Variants in IKBKE observed in about 807,000 individuals in gnomAD.
IKBKE encodes inhibitor of nuclear factor kappa B kinase subunit epsilon, also known as inhibitor of nuclear factor kappa-B kinase subunit epsilon.
In IKBKE, 45 loss-of-function variants were observed where a neutral mutation model predicts 92.1. The observed-to-expected ratio is 0.49, with a 90% CI of 0.38 to 0.63. The LOEUF is 0.63. Ranked by LOEUF, IKBKE falls within the 20% of genes least tolerant of loss-of-function variation. IKBKE has a pLI of 0.00. For synonymous variants in IKBKE, 374 were observed against 380.3 expected (o/e 0.98, Z 0.19); for missense variants, 700 against 932.8 (o/e 0.75, Z 3.25).
At chr1:206,492,279 C>A (rs926068820) in intron 18 of IKBKE, 6 of 372,798 alleles carry the variant, frequency 1.6e-5, no homozygotes, top group Non-Finnish European at 3.3e-5. Context: ...TGGGTTCCGC[C>A]TTCTCAGATC....
In IKBKE at chr1:206,494,010, G is replaced by A. The variant is rs782257277; in HGVS notation, c.2117+19G>A. 7 of 1,610,678 alleles carry A rather than the reference G, an allele frequency of 4.3e-6. No homozygotes were observed. In the South Asian group the frequency reaches 7.7e-5, roughly 18 times the overall value. On this transcript the variant is annotated intron_variant, in intron 21 of 21. Transcript: ENST00000581977. ...TCGAACGGTAAGGAGCTTTCACCTT[G>A]TGTAGGTCAGGGCCGGGTCTTCAAG...
At chr1:206,479,154 T>A (rs782133668) in intron 10 of IKBKE, 21 bp downstream of exon 10, 1 of 1,541,532 alleles carries the variant, frequency 6.5e-7, no homozygotes, top group Non-Finnish European at 8.7e-7. Context: ...CCACCTGGGC[T>A]GGATCTTTCT....
rs779738452 is a variant in IKBKE, at chr1:206,485,953, C to T, written c.1616+647C>T. 1.1e-4 allele frequency among the ~76,000 whole-genome samples: 17 copies of T among 152,250 alleles called. No individual in the cohort carries two copies. The highest frequency in any genetic ancestry group is 1.6e-4 in the Non-Finnish European group (11 of 68,046). ...TGACCAGGGGATGGGTGGTACCCAG[C>T]GCGGACCTCCTCCCCATTCTCTGCT... On this transcript the variant is annotated intron_variant, in intron 15 of 21. Transcript: ENST00000581977. This position sits in a 1 kb window ranked among gnomAD's most constrained non-coding sequence, Gnocchi z 5.0.
At chr1:206,482,943 T>TG (rs1553387523) in intron 13 of IKBKE, among the ~76,000 whole-genome samples, 1 of 152,278 alleles carries the variant, frequency 6.6e-6, no homozygotes, top group Non-Finnish European at 1.5e-5. Context: ...TTGCCCATCC[T>TG]GGTGACCCAC....
chr1:206,491,748 A>T lies in IKBKE; in HGVS notation c.1834A>T (p.Arg612Trp), dbSNP rs782095693. Residue 612 changes from arginine (R) to tryptophan (W), a missense_variant and splice_region_variant, in exon 18 of 22, where the codon AGG becomes TGG. Arg to Trp is a moderately radical substitution (Grantham distance 101). Coordinates refer to ENST00000581977, the MANE Select transcript of IKBKE (RefSeq NM_014002.4). ...CTTAGTCACACACGGCAAGAGGATG[A>T]GGTAACAGCCCCTCCTGAGCTCCTG... ...ASLVTHGKRMRVVHETRNHLR... is the reference protein window; with the variant it reads ...ASLVTHGKRMWVVHETRNHLR... 1.2e-5 allele frequency: 19 copies of T among 1,609,980 alleles called. No individual in the cohort carries two copies. The highest frequency in any genetic ancestry group is 1.5e-5 in the Non-Finnish European group (18 of 1,176,824).
chr1:206,473,673 G>A (rs574392219), intron 3 of IKBKE, among the ~76,000 whole-genome samples: 1 of 152,294 alleles, frequency 6.6e-6, no homozygotes, highest in African/African-American at 2.4e-5. Context: ...TTATTCAAGA[G>A]TGGTAGCCGG....
At chr1:206,482,790 C>G (rs1395604792) in intron 13 of IKBKE, among the ~76,000 whole-genome samples, 1 of 152,244 alleles carries the variant, frequency 6.6e-6, no homozygotes, top group Admixed American at 6.5e-5. Flanking sequence ...ATGTTGCAAG[C>G]CCATTCTTGC....
chr1:206,496,559 G>A lies in IKBKE; in HGVS notation c.*414G>A. ...CTCCTGGGGTTTCCCCAGGGCAGTA[G>A]GTCAAACGACCTCATCACAGTCTTC... is the stretch of plus-strand genomic sequence containing the variant. On this transcript the variant is annotated 3_prime_UTR_variant, in exon 22 of 22. Coordinates refer to ENST00000581977, the MANE Select transcript of IKBKE (RefSeq NM_014002.4). 1 of 257,532 alleles carries A rather than the reference G, an allele frequency of 3.9e-6. No homozygotes were observed. Among genetic ancestry groups the A allele is most frequent in the South Asian group, 1.3e-4 (1 of 7,916 alleles). The allele number at this position is 257,532 out of a possible 1,614,324, so 16.0% of individuals were successfully genotyped here.
chr1:206,476,159 T>C lies in IKBKE; in HGVS notation c.359-22T>C, dbSNP rs1553385213. 2 of 1,613,042 alleles carry C rather than the reference T, an allele frequency of 1.2e-6. No homozygotes were observed. The highest frequency in any genetic ancestry group is 2.2e-5 in the East Asian group (1 of 44,854). ...ACTGTCCCCGACCAGAGCCAGCTAGTGGCCTCCCCGTCTGTCCCCAGTGGC... is the reference window on the plus strand; with the variant it reads ...ACTGTCCCCGACCAGAGCCAGCTAGCGGCCTCCCCGTCTGTCCCCAGTGGC... On this transcript the variant is annotated intron_variant, in intron 5 of 21. Transcript: ENST00000581977. This position sits in a 1 kb window ranked among gnomAD's most constrained non-coding sequence, Gnocchi z 5.1.
rs1220666664 is a variant in IKBKE, at chr1:206,478,687, A to C, written c.993-256A>C. Among the ~76,000 whole-genome samples, 1 of 152,156 alleles carries C rather than the reference A, an allele frequency of 6.6e-6. No homozygotes were observed. The highest frequency in any genetic ancestry group is 2.4e-5 in the African/African-American group (1 of 41,430). The stretch of plus-strand genomic sequence containing the variant: ...AGGTAAATTTTAATGGCAGTGTGAC[A>C]GGAAGAGGTGCAGAGGCAAAGGCTG... On this transcript the variant is annotated intron_variant, in intron 9 of 21. Coordinates refer to ENST00000581977, the MANE Select transcript of IKBKE (RefSeq NM_014002.4). This position sits in a 1 kb window ranked among gnomAD's most constrained non-coding sequence, Gnocchi z 4.8.
In IKBKE at chr1:206,487,737, T is replaced by C. The variant is rs563755539; in HGVS notation, c.1617-177T>C. Among the ~76,000 whole-genome samples, 1 of 152,188 alleles carries C rather than the reference T, an allele frequency of 6.6e-6. No individual in the cohort carries two copies. Among genetic ancestry groups the C allele is most frequent in the Non-Finnish European group, 1.5e-5 (1 of 68,030 alleles). Reference sequence around the variant, plus strand: ...TGAGAACGAGAGACGGCTGGCTGACTGTACGGGGTCTCAAATAAGCCTAGA... The same window carrying C: ...TGAGAACGAGAGACGGCTGGCTGACCGTACGGGGTCTCAAATAAGCCTAGA... On this transcript the variant is annotated intron_variant, in intron 15 of 21. Coordinates refer to ENST00000581977, the MANE Select transcript of IKBKE (RefSeq NM_014002.4). The surrounding 1 kb of genome is among the most constrained non-coding windows in gnomAD (Gnocchi z 5.3).
At chr1:206,493,207 C>T in intron 19 of IKBKE, 59 bp from the exon 20 acceptor site, 1 of 1,563,496 alleles carries the variant, frequency 6.4e-7, no homozygotes, top group South Asian at 1.1e-5. Context: ...AGCACTCCCC[C>T]TACCCAGCCA....
At position 206,474,638 on chromosome 1, in the gene IKBKE, A is replaced by G. The variant is rs41296014; in HGVS notation, c.228+167A>G. Among the ~76,000 whole-genome samples the G allele has an allele frequency of 0.028, 4,240 of 152,180 alleles. 191 individuals are homozygous for G. The highest frequency in any genetic ancestry group is 0.096 in the African/African-American group (3,987 of 41,484). ...GGGGGCAAGGGGGTGGGGGCGGTGC[A>G]CTGGAAAGGAACGATGGACAGAATC... On this transcript the variant is annotated intron_variant, in intron 4 of 21. Coordinates refer to ENST00000581977, the MANE Select transcript of IKBKE (RefSeq NM_014002.4).
chr1:206,472,563 A>C (rs1383096405), intron 2 of IKBKE, among the ~76,000 whole-genome samples: 3 of 142,528 alleles, frequency 2.1e-5, no homozygotes, highest in Admixed American at 2.0e-4. Context: ...CCAACGCCCT[A>C]CACACATACA....
chr1:206,481,537 A>T (rs1665390012), intron 13 of IKBKE, among the ~76,000 whole-genome samples: 1 of 152,178 alleles, frequency 6.6e-6, no homozygotes, highest in African/African-American at 2.4e-5. Flanking sequence ...GGTGACAGAG[A>T]GTAGGGTTCA....
intron 13 of IKBKE, among the ~76,000 whole-genome samples, chr1:206,481,295 C>T (rs1665373362): frequency 6.6e-6 from 1 of 152,180 alleles, no homozygotes; most frequent in African/African-American, 2.4e-5. Flanking sequence ...AGATCAGAGA[C>T]TGCCCATATG....
At position 206,479,050 on chromosome 1, in the gene IKBKE, C is replaced by T. The variant is rs1553386266; in HGVS notation, c.1100C>T (p.Ala367Val). Residue 367 changes from alanine (A) to valine (V), a missense_variant, in exon 10 of 22, where the codon GCA (alanine) becomes GTA (valine). Physicochemically the swap from Ala to Val is moderately conservative, Grantham distance 64. Coordinates refer to ENST00000581977, the MANE Select transcript of IKBKE (RefSeq NM_014002.4). ...HLCVLEPSVS[A>V]QHIAHTTASS... ...TGTGTCCTCGAGCCCAGCGTCTCAG[C>T]ACAGCACATCGCCCACACGACGGCA... The T allele has an allele frequency of 1.2e-6, 2 of 1,614,056 alleles. No individual in the cohort carries two copies. The highest frequency in any genetic ancestry group is 1.7e-6 in the Non-Finnish European group (2 of 1,180,002).
chr1:206,496,119 A>G lies in IKBKE; in HGVS notation c.2125A>G (p.Arg709Gly). Residue 709 changes from arginine to glycine, a missense_variant, in exon 22 of 22, where the codon AGA becomes GGA. Arg to Gly is a moderately radical substitution (Grantham distance 125). Coordinates refer to ENST00000581977, the MANE Select transcript of IKBKE (RefSeq NM_014002.4). ...DNNRIIERLN[R>G]VPAPPDV ...CTGTACCTTTTCTTGTAGGCTAAAT[A>G]GAGTCCCAGCACCTCCTGATGTCTG... 1 of 1,613,600 alleles carries G rather than the reference A, an allele frequency of 6.2e-7. No homozygotes were observed. Among genetic ancestry groups the G allele is most frequent in the Non-Finnish European group, 8.5e-7 (1 of 1,179,504 alleles).
rs781928249 is a variant in IKBKE, at chr1:206,491,632, TTC to T, written c.1734-12_1734-11del. ...TTCTGGCAGCTCATCTGCACCTTGGTTCTCTGTCGTTCTAGGGTGAATTTCAG... is the reference window on the plus strand; with the variant it reads ...TTCTGGCAGCTCATCTGCACCTTGGTTCTGTCGTTCTAGGGTGAATTTCAG... On this transcript the variant is annotated splice_polypyrimidine_tract_variant and intron_variant, in intron 17 of 21. Transcript: ENST00000581977. The T allele has an allele frequency of 9.1e-5, 146 of 1,596,786 alleles. No individual in the cohort carries two copies. Among genetic ancestry groups the T allele is most frequent in the Non-Finnish European group, 1.2e-4 (140 of 1,165,124 alleles).
Sources: allele counts gnomAD v4.1 joint callset (sites outside exome capture counted in the v4.1 genomes callset), GRCh38; gene constraint gnomAD v4.1.1; non-coding constraint Gnocchi (gnomAD v3.1); transcripts MANE v1.5; gene names NCBI Gene and HGNC (gene_info 2026-07-23, HGNC 2026-07-21).